Variants in AUTS2 observed in about 807,000 individuals in gnomAD.
AUTS2 encodes autism susceptibility gene 2 protein.
AUTS2 carries 17 observed loss-of-function variants against 112.4 expected under a neutral mutation model. That is an observed-to-expected ratio of 0.15 (90% CI 0.10 to 0.23). The LOEUF is 0.23. Among genes scored for constraint, AUTS2 ranks in the 10% least tolerant of loss-of-function variants. The pLI is 1.00. For missense variants in AUTS2, 1,510 were observed against 1,701.6 expected (o/e 0.89, Z 1.98); for synonymous variants, 751 against 702.7 (o/e 1.07, Z -1.09).
Position 69,632,150 on chromosome 7 carries a change from G to A in AUTS2, c.309+32188G>A, listed in dbSNP as rs183965874. On this transcript the variant is annotated intron_variant, in intron 1 of 18. Coordinates refer to ENST00000342771, the MANE Select transcript of AUTS2 (RefSeq NM_015570.4). Reference sequence around the variant, plus strand: ...AGGTCTTTGTTGTCAGTGAAATCTTGTAAATGTATTTTTAGGCTGTTCAAA... The same window carrying A: ...AGGTCTTTGTTGTCAGTGAAATCTTATAAATGTATTTTTAGGCTGTTCAAA... Among the ~76,000 whole-genome samples the A allele has an allele frequency of 5.3e-5, 8 of 152,276 alleles. No homozygotes were observed. The East Asian group carries it at 1.4e-3, about 26-fold the overall frequency.
intron 4 of AUTS2, among the ~76,000 whole-genome samples, chr7:70,150,595 C>G (rs545887325): frequency 1.3e-5 from 2 of 152,272 alleles, no homozygotes; most frequent in Admixed American, 1.3e-4. Context: ...TCTAAGCTTA[C>G]TGTGTGGCAC....
At chr7:70,304,605 CAG>C (rs1460127088) in intron 4 of AUTS2, among the ~76,000 whole-genome samples, 3 of 151,862 alleles carry the variant, frequency 2.0e-5, no homozygotes, top group African/African-American at 4.8e-5. Flanking sequence ...CGGAGAAACA[CAG>C]AGGGGAAAAC....
rs755339567 is a variant in AUTS2 at position 70,790,238 on chromosome 7, C to G, written c.3022C>G (p.Pro1008Ala). Residue 1008 changes from proline to alanine, a missense_variant, in exon 19 of 19, where the codon CCC (proline) becomes GCC (alanine). Around this residue, in one of 3 missense-constraint regions of AUTS2, gnomAD observed 788 missense variants for 797.6 expected, o/e 0.99. Transcript: ENST00000342771. This position sits in a 1 kb window ranked among gnomAD's most constrained non-coding sequence, Gnocchi z 7.6. The stretch of plus-strand genomic sequence containing the variant: ...CCACCGGGCCTCGGAGCCGCCGCCT[C>G]CCAACTCCTCGTCCAGCGTGCACCC... ...QTHRASEPPPPNSSSSVHPGP... is the reference protein window; with the variant it reads ...QTHRASEPPPANSSSSVHPGP... 11 of 1,612,838 alleles carry G rather than the reference C, an allele frequency of 6.8e-6. No homozygotes were observed. Among genetic ancestry groups the G allele is most frequent in the Non-Finnish European group, 8.5e-6 (10 of 1,179,848 alleles).
intron 4 of AUTS2, among the ~76,000 whole-genome samples, chr7:70,152,495 T>A (rs1807498497): frequency 6.7e-6 from 1 of 149,120 alleles, no homozygotes; most frequent in Non-Finnish European, 1.5e-5. Context: ...GAAGAAAAAA[T>A]TGCCAACCTA....
At chr7:69,835,982 C>T (rs12698810) in intron 1 of AUTS2, among the ~76,000 whole-genome samples, 14,820 of 152,088 alleles carry the variant, frequency 0.097, 782 homozygotes, top group Admixed American at 0.12. Context: ...GCCTCCTGGC[C>T]GTGATTTATT....
At chr7:70,167,939 A>T (rs551979731) in intron 4 of AUTS2, among the ~76,000 whole-genome samples, 1 of 152,332 alleles carries the variant, frequency 6.6e-6, no homozygotes, top group South Asian at 2.1e-4. Flanking sequence ...GATGACAGTG[A>T]CATTCTCTCG....
At chr7:70,591,384 C>CTTTGTTTG (rs55794656) in intron 5 of AUTS2, among the ~76,000 whole-genome samples, 30,551 of 150,278 alleles carry the variant, frequency 0.2, 3,111 homozygotes, top group African/African-American at 0.22. Flanking sequence ...TTTACCCAGT[C>CTTTGTTTG]TTTGTTTGTT....
At chr7:70,262,687 A>G (rs1043385169) in intron 4 of AUTS2, among the ~76,000 whole-genome samples, 5 of 152,328 alleles carry the variant, frequency 3.3e-5, no homozygotes, top group Admixed American at 6.5e-5. Flanking sequence ...TTAGGTCTCC[A>G]TTGCCAAAAA....
At chr7:69,779,048 TTTAAAAAAA>T (rs1562877492) in intron 1 of AUTS2, among the ~76,000 whole-genome samples, 4 of 134,746 alleles carry the variant, frequency 3.0e-5, no homozygotes, top group African/African-American at 5.9e-5. Context: ...CCTTTTTTTT[TTTAAAAAAA>T]AAAAAAAAAA....
At chr7:70,606,349 T>G (rs538651447) in intron 5 of AUTS2, among the ~76,000 whole-genome samples, 12 of 151,952 alleles carry the variant, frequency 7.9e-5, no homozygotes, top group Non-Finnish European at 1.6e-4. Context: ...ATATTTGTAT[T>G]TATATTTATA....
intron 1 of AUTS2, among the ~76,000 whole-genome samples, chr7:69,602,036 ATATATGTGTGTGTGTGTGTGTGTGTG>A (rs758703033): frequency 0.12 from 2,125 of 17,940 alleles, 54 homozygotes; most frequent in East Asian, 0.26. Flanking sequence ...ATATATATAT[ATATATGTGTGTGTGTGTGTGTGTGTG>A]TGTGTGTGTG....
chr7:69,633,091 A>G (rs1181024731), intron 1 of AUTS2, among the ~76,000 whole-genome samples: 4 of 151,904 alleles, frequency 2.6e-5, no homozygotes, highest in Non-Finnish European at 5.9e-5. Flanking sequence ...CATCTCCTCC[A>G]TTTCCTTCCT....
intron 5 of AUTS2, chr7:70,437,237 C>G (rs1167786784): frequency 6.6e-6 from 1 of 152,254 alleles, no homozygotes; most frequent in African/African-American, 2.4e-5. Context: ...CTGCCTTTCT[C>G]CAGCCCCCAG....
intron 1 of AUTS2, among the ~76,000 whole-genome samples, chr7:69,806,191 C>A (rs1361781425): frequency 7.0e-6 from 1 of 142,146 alleles, no homozygotes; most frequent in Non-Finnish European, 1.5e-5. Flanking sequence ...CCATGCCCAG[C>A]CAAGGCTTTT....
At chr7:69,820,966 T>C (rs890927479) in intron 1 of AUTS2, among the ~76,000 whole-genome samples, 2 of 152,198 alleles carry the variant, frequency 1.3e-5, no homozygotes, top group East Asian at 1.9e-4. Flanking sequence ...GTGCAATTAA[T>C]TGGGGCCAGG....
chr7:69,978,465 A>T (rs948641992), intron 2 of AUTS2, among the ~76,000 whole-genome samples: 1 of 152,208 alleles, frequency 6.6e-6, no homozygotes, highest in African/African-American at 2.4e-5. Flanking sequence ...ATCCAACGAG[A>T]TACTGAATTA....
intron 2 of AUTS2, among the ~76,000 whole-genome samples, chr7:69,956,029 G>A (rs796253986): frequency 6.6e-6 from 1 of 152,080 alleles, no homozygotes; most frequent in Admixed American, 6.6e-5. Context: ...CAGAGGTTTG[G>A]GGATTGTGTC....
chr7:69,718,771 G>A (rs1256683993), intron 1 of AUTS2, among the ~76,000 whole-genome samples: 1 of 152,124 alleles, frequency 6.6e-6, no homozygotes, highest in African/African-American at 2.4e-5. Context: ...GTTACAGTAG[G>A]GTGGACTTTC....
At chr7:70,172,231 T>G (rs1808741098) in intron 4 of AUTS2, among the ~76,000 whole-genome samples, 1 of 152,212 alleles carries the variant, frequency 6.6e-6, no homozygotes, top group African/African-American at 2.4e-5. Flanking sequence ...GGATGTCTTG[T>G]GCTGCTGCTG....
Sources: gnomAD v4.1 joint callset for allele counts (sites outside exome capture counted in the v4.1 genomes callset) on GRCh38, gnomAD v4.1.1 for gene constraint, gnomAD v4.1.1 regional missense constraint, Gnocchi (gnomAD v3.1) non-coding constraint, MANE v1.5 for transcripts, NCBI Gene and HGNC (gene_info 2026-07-23, HGNC 2026-07-21) for gene names.